Variants in CASK observed in about 807,000 individuals in gnomAD.
The protein encoded by CASK is peripheral plasma membrane protein CASK.
In CASK, 4 loss-of-function variants were observed where a neutral mutation model predicts 82.9. That is an observed-to-expected ratio of 0.05 (90% CI 0.02 to 0.11). The LOEUF is 0.11. CASK is among the 10% of genes least tolerant of loss of function. The probability of loss-of-function intolerance (pLI) is 1.00; values close to 1 mark genes in which losing one functional copy is unlikely to be tolerated. For synonymous variants in CASK, 259 were observed against 253.5 expected, an observed-to-expected ratio of 1.02 and a Z score of -0.20; for missense variants, 358 against 720.9, an observed-to-expected ratio of 0.50 and a Z score of 5.76.
At chrX:41,659,230 C>CT (rs750380862) in intron 8 of CASK, among the ~76,000 whole-genome samples, 107 of 100,095 alleles carry the variant, frequency 1.1e-3, no homozygotes, top group Middle Eastern at 5.2e-3. Flanking sequence ...GGTGCAAATT[C>CT]TTTTTTTTTT....
chrX:41,871,434 A>G (rs2071706435), intron 1 of CASK, among the ~76,000 whole-genome samples: 1 of 112,250 alleles, frequency 8.9e-6, no homozygotes, highest in Non-Finnish European at 1.9e-5. Context: ...TCTCACTTAA[A>G]CAAAAACCAA....
intron 5 of CASK, among the ~76,000 whole-genome samples, chrX:41,693,763 C>G (rs955979526): frequency 1.8e-5 from 2 of 111,752 alleles, no homozygotes; most frequent in African/African-American, 6.5e-5. Context: ...CGCTCCCTTC[C>G]TTTCTCCCTC....
chrX:41,886,079 C>T (rs1260105971), intron 1 of CASK, among the ~76,000 whole-genome samples: 1 of 111,679 alleles, frequency 9.0e-6, no homozygotes, highest in African/African-American at 3.3e-5. Context: ...GCCTACCAAT[C>T]ATTATAATCT....
intron 1 of CASK, among the ~76,000 whole-genome samples, chrX:41,910,756 G>A (rs1459083613): frequency 8.9e-6 from 1 of 112,118 alleles, no homozygotes; most frequent in Non-Finnish European, 1.9e-5. Flanking sequence ...AAAAAGTAGA[G>A]CAGCAAGTTT....
intron 2 of CASK, among the ~76,000 whole-genome samples, chrX:41,842,326 C>T (rs752351693): frequency 2.7e-5 from 3 of 110,847 alleles, no homozygotes; most frequent in African/African-American, 9.8e-5. Context: ...AATCTCAGCA[C>T]CCTGGGAGGC....
At chrX:41,807,023 T>A (rs1261824136) in intron 2 of CASK, among the ~76,000 whole-genome samples, 1 of 111,479 alleles carries the variant, frequency 9.0e-6, no homozygotes, top group Non-Finnish European at 1.9e-5. Context: ...AAAATCAAAA[T>A]AAAACAATCT....
rs2065378550 is a variant in CASK at position 41,569,710 on chromosome X, T to C, written c.1540A>G (p.Ile514Val). ...CCCCCATGCATAATTCTTGCAACAA[T>C]ACAATGATTTAGTTCATTCATTTTT... ...TLKMNELNHC[I>V]VARIMHGGMI... Residue 514 changes from isoleucine (I) to valine (V), a missense_variant, in exon 16 of 27, where the codon ATT becomes GTT. Transcript: ENST00000378163. The C allele has an allele frequency of 8.6e-7, 1 of 1,168,872 alleles. No homozygotes were observed. Among genetic ancestry groups the C allele is most frequent in the Non-Finnish European group, 1.2e-6 (1 of 859,811 alleles).
intron 2 of CASK, among the ~76,000 whole-genome samples, chrX:41,839,678 TGAA>T (rs749808045): frequency 9.0e-5 from 10 of 111,422 alleles, no homozygotes; most frequent in Admixed American, 5.7e-4. Flanking sequence ...AGAAATATAC[TGAA>T]GAAGAATGGT....
chrX:41,787,550 C>CAAA (rs778064917), intron 2 of CASK, among the ~76,000 whole-genome samples: 2 of 39,691 alleles, frequency 5.0e-5, no homozygotes, highest in African/African-American at 1.7e-4. Flanking sequence ...TCCCCAAAAG[C>CAAA]AAAAAAAAAA....
At chrX:41,655,611 C>T (rs2066926567) in intron 8 of CASK, among the ~76,000 whole-genome samples, 1 of 111,304 alleles carries the variant, frequency 9.0e-6, no homozygotes, top group South Asian at 3.8e-4. Context: ...GAAACATCCT[C>T]AAGCAGGGAG....
intron 5 of CASK, among the ~76,000 whole-genome samples, chrX:41,704,459 CA>C (rs1308212598): frequency 8.9e-6 from 1 of 112,039 alleles, no homozygotes. Flanking sequence ...ATATGTAAAA[CA>C]ACTTCAGAGA....
At chrX:41,840,279 T>C (rs1038864899) in intron 2 of CASK, among the ~76,000 whole-genome samples, 1 of 112,212 alleles carries the variant, frequency 8.9e-6, no homozygotes. Flanking sequence ...ATTTCCTTTG[T>C]ATGTATCTTG....
At chrX:41,741,708 A>C (rs1356883788) in intron 4 of CASK, among the ~76,000 whole-genome samples, 3 of 111,918 alleles carry the variant, frequency 2.7e-5, no homozygotes, top group Non-Finnish European at 5.6e-5. Flanking sequence ...GAACTGAACT[A>C]TCTTTCTCCA....
chrX:41,631,035 C>T (rs985028395), intron 9 of CASK, among the ~76,000 whole-genome samples: 2 of 111,209 alleles, frequency 1.8e-5, no homozygotes, highest in African/African-American at 6.5e-5. Flanking sequence ...TCAAACATAA[C>T]CTAAACATAG....
At chrX:41,551,636 C>G (rs1323596330) in intron 21 of CASK, among the ~76,000 whole-genome samples, 1 of 109,896 alleles carries the variant, frequency 9.1e-6, no homozygotes, top group Non-Finnish European at 1.9e-5. Context: ...GTGGCTCACA[C>G]CTGTAATCCC....
At chrX:41,730,544 A>G (rs1250180833) in intron 5 of CASK, among the ~76,000 whole-genome samples, 1 of 111,652 alleles carries the variant, frequency 9.0e-6, no homozygotes, top group Admixed American at 9.5e-5. Flanking sequence ...TAATGTGCAG[A>G]GACAAAGGAG....
intron 2 of CASK, among the ~76,000 whole-genome samples, chrX:41,802,082 C>T (rs966919472): frequency 9.0e-6 from 1 of 111,218 alleles, no homozygotes; most frequent in African/African-American, 3.3e-5. Flanking sequence ...TGAATTTACC[C>T]ATATACAGAG....
chrX:41,638,219 A>C (rs928727427), intron 8 of CASK, among the ~76,000 whole-genome samples: 4 of 111,068 alleles, frequency 3.6e-5, no homozygotes, highest in Middle Eastern at 4.6e-3. Context: ...GTACTATGGA[A>C]TAAGGCAAAA....
At chrX:41,618,830 T>C (rs1029183030) in intron 11 of CASK, among the ~76,000 whole-genome samples, 1 of 102,852 alleles carries the variant, frequency 9.7e-6, no homozygotes, top group African/African-American at 3.5e-5. Context: ...AATTTCTTTT[T>C]TTTTTTTTTT....
Sources: gnomAD v4.1 joint callset for allele counts (sites outside exome capture counted in the v4.1 genomes callset) on GRCh38, gnomAD v4.1.1 for gene constraint, MANE v1.5 for transcripts, NCBI Gene and HGNC (gene_info 2026-07-23, HGNC 2026-07-21) for gene names.